PARD3: variants seen among roughly 807,000 people sequenced by gnomAD.
PARD3 encodes par-3 family cell polarity regulator.
Under a neutral mutation model 155.4 loss-of-function variants are expected in PARD3, and 75 were observed. The observed-to-expected ratio is 0.48, with a 90% CI of 0.40 to 0.58. The LOEUF (loss-of-function observed/expected upper bound fraction) is 0.58. PARD3 is among the 20% of genes least tolerant of loss of function. The probability of loss-of-function intolerance (pLI) is 0.00; values close to 1 mark genes in which losing one functional copy is unlikely to be tolerated. For missense variants in PARD3, 1,642 were observed against 1,721.7 expected, an observed-to-expected ratio of 0.95 and a Z score of 0.82; for synonymous variants, 576 against 610.5, an observed-to-expected ratio of 0.94 and a Z score of 0.83.
Position 34,468,101 on chromosome 10 carries a change from G to A in PARD3, c.582+1984C>T, listed in dbSNP as rs1052312402. Among the ~76,000 whole-genome samples the A allele has an allele frequency of 4.6e-5, 7 of 152,210 alleles. No homozygotes were observed. The East Asian group carries it at 5.8e-4, about 13-fold the overall frequency. On this transcript the variant is annotated intron_variant, in intron 4 of 24. Transcript: ENST00000374788. ...GTATAGTGTGTAGTAGGCAGGCTCC[G>A]GTGGGAGGAGTTCAGGCCCCTGGAC...
intron 2 of PARD3, among the ~76,000 whole-genome samples, chr10:34,610,032 T>C (rs190481516): frequency 1.5e-4 from 23 of 152,320 alleles, no homozygotes; most frequent in Non-Finnish European, 2.5e-4. Context: ...TGTTTCAAAG[T>C]TCAGAATTTT....
intron 24 of PARD3, among the ~76,000 whole-genome samples, chr10:34,113,357 G>C (rs1034698183): frequency 1.3e-5 from 2 of 152,128 alleles, no homozygotes; most frequent in Admixed American, 6.6e-5. Context: ...AGGTTTGTTA[G>C]GGATGGAAAT....
intron 1 of PARD3, among the ~76,000 whole-genome samples, chr10:34,741,422 C>T (rs1294548780): frequency 1.3e-5 from 2 of 151,950 alleles, no homozygotes; most frequent in African/African-American, 2.4e-5. Context: ...TGAGCTTAAG[C>T]GATCCTCCTG....
intron 5 of PARD3, among the ~76,000 whole-genome samples, chr10:34,444,699 T>C (rs950849334): frequency 1.3e-5 from 2 of 152,216 alleles, no homozygotes. Flanking sequence ...TCTTTTCTTA[T>C]TGAAGTAAAA....
chr10:34,656,746 G>T (rs995408064), intron 2 of PARD3, among the ~76,000 whole-genome samples: 2 of 152,182 alleles, frequency 1.3e-5, no homozygotes, highest in African/African-American at 4.8e-5. Flanking sequence ...AACTGAGAGA[G>T]AATTTACATT....
chr10:34,482,767 A>G (rs1208675403), intron 3 of PARD3, among the ~76,000 whole-genome samples: 1 of 152,202 alleles, frequency 6.6e-6, no homozygotes, highest in Non-Finnish European at 1.5e-5. Flanking sequence ...TAAGGTGGAA[A>G]GAAACTGAGA....
chr10:34,570,408 G>C (rs2086295802), intron 2 of PARD3, among the ~76,000 whole-genome samples: 1 of 152,140 alleles, frequency 6.6e-6, no homozygotes, highest in Non-Finnish European at 1.5e-5. Flanking sequence ...AGTTAAAATT[G>C]CCACTCCCCT....
At chr10:34,265,958 C>T (rs1955283064) in intron 22 of PARD3, among the ~76,000 whole-genome samples, 1 of 152,274 alleles carries the variant, frequency 6.6e-6, no homozygotes, top group East Asian at 1.9e-4. Context: ...CCCAAATGAA[C>T]CTGCCATGGA....
At chr10:34,150,707 G>A (rs866429912) in intron 22 of PARD3, among the ~76,000 whole-genome samples, 13 of 152,170 alleles carry the variant, frequency 8.5e-5, no homozygotes, top group African/African-American at 3.1e-4. Context: ...AGGTGAATCT[G>A]CTTTGCTGGT....
chr10:34,367,253 C>T (rs1193395979), intron 12 of PARD3, among the ~76,000 whole-genome samples: 3 of 152,178 alleles, frequency 2.0e-5, no homozygotes, highest in Non-Finnish European at 4.4e-5. Flanking sequence ...AACTTACTGC[C>T]ATACATGATC....
At chr10:34,800,472 G>A (rs1262242478) in intron 1 of PARD3, among the ~76,000 whole-genome samples, 4 of 150,952 alleles carry the variant, frequency 2.6e-5, no homozygotes, top group South Asian at 2.1e-4. Flanking sequence ...TTAGCCAGGC[G>A]TGGTAGTGGG....
At chr10:34,733,768 G>A (rs1168666161) in intron 1 of PARD3, among the ~76,000 whole-genome samples, 1 of 152,210 alleles carries the variant, frequency 6.6e-6, no homozygotes, top group Non-Finnish European at 1.5e-5. Context: ...CCAAAGTGCT[G>A]GGATTATGGG....
At chr10:34,281,212 T>A (rs968155174) in intron 21 of PARD3, among the ~76,000 whole-genome samples, 1 of 152,108 alleles carries the variant, frequency 6.6e-6, no homozygotes, top group African/African-American at 2.4e-5. Context: ...AATGAGCCAG[T>A]AGAGGCGCTG....
chr10:34,206,148 G>A (rs1417237679), intron 22 of PARD3, among the ~76,000 whole-genome samples: 1 of 152,028 alleles, frequency 6.6e-6, no homozygotes, highest in African/African-American at 2.4e-5. Context: ...AGGGAGGAGA[G>A]GCACAGTGGG....
intron 1 of PARD3, among the ~76,000 whole-genome samples, chr10:34,778,278 G>C (rs895887714): frequency 6.6e-6 from 1 of 152,180 alleles, no homozygotes; most frequent in African/African-American, 2.4e-5. Flanking sequence ...GGGAAATAGG[G>C]AGGAAGGTTG....
chr10:34,808,661 G>A (rs1843702118), intron 1 of PARD3, among the ~76,000 whole-genome samples: 1 of 152,116 alleles, frequency 6.6e-6, no homozygotes, highest in African/African-American at 2.4e-5. Flanking sequence ...AATACCGAGG[G>A]CTCTAATCAT....
intron 5 of PARD3, among the ~76,000 whole-genome samples, chr10:34,433,133 C>G (rs1438016262): frequency 6.6e-6 from 1 of 152,142 alleles, no homozygotes; most frequent in Non-Finnish European, 1.5e-5. Flanking sequence ...ATTTAAGGAA[C>G]TAAGACACAG....
chr10:34,340,117 C>G (rs1024422040), intron 16 of PARD3, among the ~76,000 whole-genome samples: 7 of 152,164 alleles, frequency 4.6e-5, no homozygotes, highest in African/African-American at 1.4e-4. Flanking sequence ...CCCACATTCC[C>G]CACAGCAAAA....
In PARD3 at chr10:34,263,077, GA is replaced by G. The variant is rs540725809; in HGVS notation, c.3419+6579del. ...CTCCTATATCTATGTTAAGTATAAA[GA>G]ATCAAACCTGTCTTTATTGATTTCA... On this transcript the variant is annotated intron_variant, in intron 22 of 24. Coordinates refer to ENST00000374788, the MANE Select transcript of PARD3 (RefSeq NM_001184785.2). 3.3e-5 allele frequency among the ~76,000 whole-genome samples: 5 copies of G among 152,268 alleles called. No homozygotes were observed. In the South Asian group the frequency reaches 8.3e-4, roughly 25 times the overall value.
Sources: allele counts gnomAD v4.1 joint callset (sites outside exome capture counted in the v4.1 genomes callset), GRCh38; gene constraint gnomAD v4.1.1; transcripts MANE v1.5; gene names NCBI Gene and HGNC (gene_info 2026-07-23, HGNC 2026-07-21).